Variants in EPM2A observed in about 807,000 individuals in gnomAD.
EPM2A encodes EPM2A glucan phosphatase, laforin, also known as laforin.
EPM2A carries 21 observed loss-of-function variants against 26.5 expected under a neutral mutation model. The ratio of observed to expected loss-of-function variants is 0.79; its 90% CI spans 0.56 to 1.14. The LOEUF (loss-of-function observed/expected upper bound fraction) is 1.14, where lower values mean the gene tolerates loss of function less well. Ranked by LOEUF, EPM2A falls within the 50% of genes most tolerant of loss-of-function variation. The pLI is 0.00. For synonymous variants in EPM2A, 217 were observed against 177.6 expected (o/e 1.22, Z -1.76); for missense variants, 458 against 440.8 (o/e 1.04, Z -0.35).
intron 2 of EPM2A, among the ~76,000 whole-genome samples, chr6:145,508,493 C>A (rs1033120949): frequency 4.6e-5 from 7 of 152,170 alleles, no homozygotes; most frequent in African/African-American, 1.7e-4. Context: ...CCTTGGTCCT[C>A]TGAAAGCACC....
chr6:145,687,082 C>G (rs557362011), intron 1 of EPM2A: 1 of 152,292 alleles, frequency 6.6e-6, no homozygotes, highest in Admixed American at 6.5e-5. Flanking sequence ...ACACTAGTTG[C>G]TATGGTATGA....
At chr6:145,597,934 G>A (rs772373879) in intron 2 of EPM2A, among the ~76,000 whole-genome samples, 5 of 152,060 alleles carry the variant, frequency 3.3e-5, no homozygotes, top group East Asian at 3.9e-4. Flanking sequence ...ATAGTATTCC[G>A]TGGTATGTAT....
intron 1 of EPM2A, among the ~76,000 whole-genome samples, chr6:145,712,278 G>C (rs1775376831): frequency 6.6e-6 from 1 of 152,042 alleles, no homozygotes; most frequent in Non-Finnish European, 1.5e-5. Flanking sequence ...ATAATTAACA[G>C]CAGAAACAAT....
At chr6:145,427,672 C>A (rs1004821398) in intron 4 of EPM2A, among the ~76,000 whole-genome samples, 8 of 152,106 alleles carry the variant, frequency 5.3e-5, no homozygotes, top group Non-Finnish European at 7.4e-5. Context: ...GGAGACTATT[C>A]AATTAGCACA....
At chr6:145,660,206 A>G (rs1295916860) in intron 2 of EPM2A, among the ~76,000 whole-genome samples, 2 of 152,162 alleles carry the variant, frequency 1.3e-5, no homozygotes, top group African/African-American at 4.8e-5. Context: ...ACCCAAAATC[A>G]TTCCTCAGGT....
At chr6:145,735,631 C>A (rs1776835924), upstream of EPM2A, 1 of 1,082,334 alleles carries the variant, frequency 9.2e-7, no homozygotes, top group Non-Finnish European at 1.1e-6. Flanking sequence ...ACGTGCTGTT[C>A]TGCGCCTTCT....
At chr6:145,565,590 CT>C (rs1939218699) in intron 2 of EPM2A, among the ~76,000 whole-genome samples, 1 of 152,188 alleles carries the variant, frequency 6.6e-6, no homozygotes, top group African/African-American at 2.4e-5. Flanking sequence ...GACCAAGAAA[CT>C]TCACAGTAAT....
intron 2 of EPM2A, among the ~76,000 whole-genome samples, chr6:145,601,909 T>C (rs549663352): frequency 1.3e-5 from 2 of 152,310 alleles, no homozygotes; most frequent in Admixed American, 6.5e-5. Flanking sequence ...TACAAAGTAA[T>C]GCACAAAATA....
At chr6:145,465,923 C>G (rs1256834464) in intron 4 of EPM2A, among the ~76,000 whole-genome samples, 2 of 152,082 alleles carry the variant, frequency 1.3e-5, no homozygotes, top group Non-Finnish European at 2.9e-5. Flanking sequence ...GCTAGGAAAA[C>G]TGGCTAGCCA....
At chr6:145,440,428 C>A (rs571127287) in intron 4 of EPM2A, among the ~76,000 whole-genome samples, 1 of 152,298 alleles carries the variant, frequency 6.6e-6, no homozygotes, top group East Asian at 1.9e-4. Flanking sequence ...CATATAATTG[C>A]ACCCTGGCCC....
chr6:145,562,340 T>C (rs1207874038), intron 2 of EPM2A, among the ~76,000 whole-genome samples: 1 of 151,976 alleles, frequency 6.6e-6, no homozygotes, highest in East Asian at 1.9e-4. Flanking sequence ...CTATAAAAGA[T>C]GCAGACATGT....
At chr6:145,596,061 T>C (rs1037274843) in intron 2 of EPM2A, among the ~76,000 whole-genome samples, 9 of 152,190 alleles carry the variant, frequency 5.9e-5, no homozygotes, top group African/African-American at 1.9e-4. Context: ...CAACTAACAA[T>C]ATTCCTTAAA....
intron 2 of EPM2A, among the ~76,000 whole-genome samples, chr6:145,615,929 CAA>C (rs1346484537): frequency 1.3e-5 from 2 of 152,040 alleles, no homozygotes; most frequent in African/African-American, 4.8e-5. Flanking sequence ...AAAAGGGAAA[CAA>C]AGCATAAAAG....
At chr6:145,723,565 G>C (rs1583129581) in intron 1 of EPM2A, among the ~76,000 whole-genome samples, 1 of 152,060 alleles carries the variant, frequency 6.6e-6, no homozygotes, top group Non-Finnish European at 1.5e-5. Context: ...TTTAAAATCA[G>C]TAGAGATTTC....
At chr6:145,391,727 C>T (rs1349397195) in intron 4 of EPM2A, among the ~76,000 whole-genome samples, 1 of 152,136 alleles carries the variant, frequency 6.6e-6, no homozygotes, top group Admixed American at 6.6e-5. Context: ...TCCCTAGATT[C>T]CCCGTGATTG....
intron 1 of EPM2A, among the ~76,000 whole-genome samples, chr6:145,700,556 A>AC (rs1326062543): frequency 2.0e-5 from 3 of 150,594 alleles, no homozygotes; most frequent in South Asian, 4.2e-4. Context: ...CCACACACAC[A>AC]AAAAAAAACC....
chr6:145,452,540 C>T (rs1340866927), intron 4 of EPM2A, among the ~76,000 whole-genome samples: 1 of 141,304 alleles, frequency 7.1e-6, no homozygotes. Flanking sequence ...GGCGTTGTGG[C>T]GGGCGCCTGT....
At chr6:145,694,473 A>C (rs1428258912) in intron 1 of EPM2A, among the ~76,000 whole-genome samples, 1 of 152,056 alleles carries the variant, frequency 6.6e-6, no homozygotes, top group Non-Finnish European at 1.5e-5. Context: ...GATGAATGGC[A>C]AAATGCAAAC....
rs1193283359 is a variant in EPM2A, at chr6:145,522,013, C to T, written c.341-19438G>A. Among the ~76,000 whole-genome samples, 16 of 152,258 alleles carry T rather than the reference C, an allele frequency of 1.1e-4. No individual in the cohort carries two copies. In the East Asian group the frequency reaches 2.5e-3, roughly 24 times the overall value. On this transcript the variant is annotated intron_variant, in intron 2 of 3. Coordinates refer to the EPM2A transcript ENST00000450221. Reference sequence around the variant, plus strand: ...TGTCGCCCAGGCTGGAGTGCAGTGGCACGATCTCAGCTCACTGCAAGCTCC... The same window carrying T: ...TGTCGCCCAGGCTGGAGTGCAGTGGTACGATCTCAGCTCACTGCAAGCTCC...
Sources: allele counts gnomAD v4.1 joint callset (sites outside exome capture counted in the v4.1 genomes callset), GRCh38; gene constraint gnomAD v4.1.1; transcripts MANE v1.5; gene names NCBI Gene and HGNC (gene_info 2026-07-23, HGNC 2026-07-21).